PITPNM2: variants seen among roughly 807,000 people sequenced by gnomAD.
PITPNM2 encodes the protein phosphatidylinositol transfer protein membrane associated 2, also known as membrane-associated phosphatidylinositol transfer protein 2.
PITPNM2 carries 35 observed loss-of-function variants against 132.2 expected under a neutral mutation model. The ratio of observed to expected loss-of-function variants is 0.26; its 90% CI spans 0.20 to 0.35. The LOEUF is 0.35. Among genes scored for constraint, PITPNM2 ranks in the 10% least tolerant of loss-of-function variants. The probability of loss-of-function intolerance (pLI) is 1.00; values close to 1 mark genes in which losing one functional copy is unlikely to be tolerated. For synonymous variants in PITPNM2, 738 were observed against 799.2 expected (o/e 0.92, Z 1.29); for missense variants, 1,332 against 1,912.0 (o/e 0.70, Z 5.66).
intron 1 of PITPNM2, among the ~76,000 whole-genome samples, chr12:123,119,640 G>A (rs1480471858): frequency 6.6e-6 from 1 of 151,978 alleles, no homozygotes; most frequent in African/African-American, 2.4e-5. Flanking sequence ...TTACAGGCGT[G>A]AGCCACCGCG....
Position 122,986,063 on chromosome 12 carries a change from G to T in PITPNM2, c.4014C>A (p.Gly1338=), listed in dbSNP as rs1251646184. Residue 1338 remains glycine, a synonymous_variant, in exon 26 of 26, where the codon GGC becomes GGA. Coordinates refer to ENST00000320201, the MANE Select transcript of PITPNM2 (RefSeq NM_020845.3). Reference sequence around the variant, plus strand: ...CCGCGGCTGCCCCCGGCTCCAGGCGGCCAGTCATGGCGCGGCCCCAGCAGC... The same window carrying T: ...CCGCGGCTGCCCCCGGCTCCAGGCGTCCAGTCATGGCGCGGCCCCAGCAGC... ...AAGCWGRAMT[G]RLEPGAAAGP... 6.4e-6 allele frequency: 9 copies of T among 1,416,544 alleles called. No individual in the cohort carries two copies. The highest frequency in any genetic ancestry group is 1.5e-5 in the African/African-American group (1 of 66,066). 87.7% of individuals were successfully genotyped at this position (1,416,544 alleles called of 1,614,324 possible).
At chr12:123,143,109 C>T (rs540198508) in intron 1 of PITPNM2, among the ~76,000 whole-genome samples, 16 of 151,868 alleles carry the variant, frequency 1.1e-4, no homozygotes, top group African/African-American at 3.9e-4. Context: ...CCTGACACAC[C>T]CATCCCTATC....
rs755735003 is a variant in PITPNM2, at chr12:123,000,856, GAC to G, written c.1154-10_1154-9del. 178 of 1,614,056 alleles carry G rather than the reference GAC, an allele frequency of 1.1e-4. No homozygotes were observed. The African/African-American group carries it at 2.1e-3, about 19-fold the overall frequency. On this transcript the variant is annotated splice_polypyrimidine_tract_variant and intron_variant, in intron 9 of 25. Coordinates refer to ENST00000320201, the MANE Select transcript of PITPNM2 (RefSeq NM_020845.3). The surrounding 1 kb of genome is among the most constrained non-coding windows in gnomAD (Gnocchi z 5.4). ...CCTGGCGGTACAGACCATCTGCAAA[GAC>G]ACAGAAGCCGTGCTGTGAGCTGAGG...
At chr12:123,151,332 G>C (rs1474145859), upstream of PITPNM2, among the ~76,000 whole-genome samples, 5 of 151,816 alleles carry the variant, frequency 3.3e-5, no homozygotes, top group Non-Finnish European at 5.9e-5. Flanking sequence ...ACTGGACTCG[G>C]GGGCGGCGGC....
chr12:123,027,884 G>C (rs569519805), intron 3 of PITPNM2, among the ~76,000 whole-genome samples: 153 of 152,326 alleles, frequency 1.0e-3, no homozygotes, highest in Non-Finnish European at 1.9e-3. Flanking sequence ...AGGGGGGCAG[G>C]CCCCTCCTGG....
chr12:123,005,075 C>T lies in PITPNM2; in HGVS notation c.952+165G>A, dbSNP rs968224965. On this transcript the variant is annotated intron_variant, in intron 7 of 25. Coordinates refer to ENST00000320201, the MANE Select transcript of PITPNM2 (RefSeq NM_020845.3). The surrounding 1 kb of genome is among the most constrained non-coding windows in gnomAD (Gnocchi z 6.2). ...GGAGCCCACTGGGGCAGGGCCCAGG[C>T]TTCCCTGTGTGCGAGGACTAGCCCA... 6.6e-6 allele frequency among the ~76,000 whole-genome samples: 1 copy of T among 152,212 alleles called. No individual in the cohort carries two copies. The highest frequency in any genetic ancestry group is 2.4e-5 in the African/African-American group (1 of 41,458).
intron 1 of PITPNM2, among the ~76,000 whole-genome samples, chr12:123,130,640 C>T (rs898530463): frequency 2.6e-5 from 4 of 152,060 alleles, no homozygotes; most frequent in African/African-American, 9.7e-5. Flanking sequence ...ATTAGCCGGG[C>T]GTGGTGGCGG....
chr12:123,072,749 CA>C (rs2041653431), intron 2 of PITPNM2, among the ~76,000 whole-genome samples: 1 of 152,238 alleles, frequency 6.6e-6, no homozygotes, highest in Non-Finnish European at 1.5e-5. Flanking sequence ...CAGAGAGGGC[CA>C]CAAAGCTGAC....
intron 23 of PITPNM2, among the ~76,000 whole-genome samples, 186 bp downstream of exon 23, chr12:122,987,095 T>C (rs1361311893): frequency 1.3e-5 from 2 of 152,368 alleles, no homozygotes; most frequent in East Asian, 3.9e-4. Flanking sequence ...AGAAGTGACA[T>C]CGCTTGCCCA....
intron 1 of PITPNM2, among the ~76,000 whole-genome samples, chr12:123,128,735 C>CAAA (rs2043201065): frequency 7.2e-6 from 1 of 139,436 alleles, no homozygotes; most frequent in Admixed American, 7.2e-5. Context: ...CTGGGCAATA[C>CAAA]AGTGAGACTC....
chr12:123,034,151 C>G, intron 3 of PITPNM2: 1 of 209,102 alleles, frequency 4.8e-6, no homozygotes, highest in East Asian at 1.1e-4. Context: ...GAAGTGTGTT[C>G]CTCTACGCCC....
chr12:123,062,322 G>T (rs2041267706), intron 2 of PITPNM2, among the ~76,000 whole-genome samples: 1 of 151,988 alleles, frequency 6.6e-6, no homozygotes, highest in African/African-American at 2.4e-5. Context: ...CCAGTGAGGG[G>T]GTAGAACACT....
chr12:123,149,029 G>A (rs1204685047), intron 1 of PITPNM2, among the ~76,000 whole-genome samples: 1 of 152,174 alleles, frequency 6.6e-6, no homozygotes, highest in Non-Finnish European at 1.5e-5. Flanking sequence ...GGCAGAAAAG[G>A]TAGACAGGAC....
intron 2 of PITPNM2, among the ~76,000 whole-genome samples, chr12:123,094,615 C>T (rs60235187): frequency 0.049 from 7,489 of 152,278 alleles, 617 homozygotes; most frequent in African/African-American, 0.17. Flanking sequence ...ATTGGAGAAA[C>T]TCTTCTCCTC....
At position 123,009,680 on chromosome 12, in the gene PITPNM2, T is replaced by TGG. The variant is rs2039097253; in HGVS notation, c.643+168_643+169dup. 1.3e-5 allele frequency among the ~76,000 whole-genome samples: 2 copies of TGG among 152,336 alleles called. No homozygotes were observed. The highest frequency in any genetic ancestry group is 4.8e-5 in the African/African-American group (2 of 41,572). On this transcript the variant is annotated intron_variant, in intron 6 of 25. Coordinates refer to ENST00000320201, the MANE Select transcript of PITPNM2 (RefSeq NM_020845.3). This position sits in a 1 kb window ranked among gnomAD's most constrained non-coding sequence, Gnocchi z 4.8. ...ATGGATGTTCAAGATAACCCATGGCTGGCGGGTAGTGGGGAAGCTGGACAT... is the reference window on the plus strand; with the variant it reads ...ATGGATGTTCAAGATAACCCATGGCTGGGGCGGGTAGTGGGGAAGCTGGACAT...
intron 3 of PITPNM2, among the ~76,000 whole-genome samples, chr12:123,025,651 C>T (rs186321504): frequency 1.4e-4 from 21 of 152,120 alleles, no homozygotes; most frequent in African/African-American, 2.4e-4. Flanking sequence ...AGGCTGGTCT[C>T]GAACTCCCAA....
Position 123,001,166 on chromosome 12 carries a change from GGA to G in PITPNM2, c.1049-10_1049-9del. Reference sequence around the variant, plus strand: ...CTGTGTCGGACAGGTCCTCTGGAGAGGAGAGAGGGAAACTCAGGTGGGACTGG... The same window carrying G: ...CTGTGTCGGACAGGTCCTCTGGAGAGGAGAGGGAAACTCAGGTGGGACTGG... On this transcript the variant is annotated splice_polypyrimidine_tract_variant and intron_variant, in intron 8 of 25. Coordinates refer to ENST00000320201, the MANE Select transcript of PITPNM2 (RefSeq NM_020845.3). 6 of 1,610,588 alleles carry G rather than the reference GGA, an allele frequency of 3.7e-6. No individual in the cohort carries two copies. Among genetic ancestry groups the G allele is most frequent in the Non-Finnish European group, 5.1e-6 (6 of 1,176,762 alleles).
intron 2 of PITPNM2, chr12:123,076,230 G>A (rs924568407): frequency 1.3e-5 from 2 of 152,266 alleles, no homozygotes; most frequent in African/African-American, 4.8e-5. Flanking sequence ...GAGGGTCTGG[G>A]TGATTCTCCA....
intron 17 of PITPNM2, among the ~76,000 whole-genome samples, chr12:122,990,302 T>A (rs1028157314): frequency 6.6e-6 from 1 of 152,242 alleles, no homozygotes; most frequent in African/African-American, 2.4e-5. Context: ...AGAATCCTCC[T>A]GAGAAGGCGA....
Sources: allele counts gnomAD v4.1 joint callset (sites outside exome capture counted in the v4.1 genomes callset), GRCh38; gene constraint gnomAD v4.1.1; non-coding constraint Gnocchi (gnomAD v3.1); transcripts MANE v1.5; gene names NCBI Gene and HGNC (gene_info 2026-07-23, HGNC 2026-07-21).